The following ADAMTS19 variants were observed in gnomAD, a reference collection of about 807,000 sequenced individuals.
The protein encoded by ADAMTS19 is A disintegrin and metalloproteinase with thrombospondin motifs 19.
A neutral mutation model predicts 153.3 loss-of-function variants in ADAMTS19; 93 were observed. That is an observed-to-expected ratio of 0.61 (90% CI 0.51 to 0.72). The LOEUF is 0.72. ADAMTS19 is among the 30% of genes least tolerant of loss of function. ADAMTS19 has a pLI of 0.00. For missense variants in ADAMTS19, 1,482 were observed against 1,552.1 expected (o/e 0.95, Z 0.76); for synonymous variants, 600 against 556.6 (o/e 1.08, Z -1.10).
intron 13 of ADAMTS19, among the ~76,000 whole-genome samples, chr5:129,649,387 A>G (rs76138046): frequency 0.027 from 4,084 of 152,356 alleles, 95 homozygotes; most frequent in Middle Eastern, 0.068. Flanking sequence ...AAAGAGGAGC[A>G]AACTATTAAT....
chr5:129,704,447 C>T (rs1238536839), intron 21 of ADAMTS19, 56 bp downstream of exon 21: 14 of 1,570,442 alleles, frequency 8.9e-6, no homozygotes, highest in Admixed American at 1.8e-5. Context: ...CAGCATTGCC[C>T]TGGGTACTAT....
chr5:129,562,220 C>T (rs769722253), intron 7 of ADAMTS19, among the ~76,000 whole-genome samples: 2 of 152,184 alleles, frequency 1.3e-5, no homozygotes, highest in Non-Finnish European at 2.9e-5. Flanking sequence ...TTTTAGCCTG[C>T]AACAGAAATG....
intron 6 of ADAMTS19, among the ~76,000 whole-genome samples, chr5:129,536,013 A>G (rs1222745927): frequency 6.6e-6 from 1 of 152,228 alleles, no homozygotes. Flanking sequence ...CAAGGACTTC[A>G]TGTCTAAAAC....
intron 13 of ADAMTS19, among the ~76,000 whole-genome samples, chr5:129,649,912 TC>T (rs1753239718): frequency 6.6e-6 from 1 of 152,222 alleles, no homozygotes; most frequent in Admixed American, 6.5e-5. Context: ...GCAAGGTGGC[TC>T]ACACCTGTAA....
chr5:129,591,037 G>T (rs1750108430), intron 7 of ADAMTS19, among the ~76,000 whole-genome samples: 1 of 152,140 alleles, frequency 6.6e-6, no homozygotes, highest in Non-Finnish European at 1.5e-5. Context: ...CTCTGTGAGA[G>T]ACATTAACTT....
intron 6 of ADAMTS19, among the ~76,000 whole-genome samples, chr5:129,548,847 T>TA (rs921015306): frequency 1.2e-4 from 18 of 151,440 alleles, no homozygotes; most frequent in African/African-American, 4.4e-4. Context: ...TATGCAGCCA[T>TA]AAAAAATGTT....
chr5:129,658,337 G>GAAAGAA (rs1753656772), intron 14 of ADAMTS19, among the ~76,000 whole-genome samples: 1 of 105,416 alleles, frequency 9.5e-6, no homozygotes, highest in East Asian at 4.0e-4. Context: ...AAGAAAGAAA[G>GAAAGAA]AAAGAAAGAA....
At chr5:129,672,324 C>T (rs1754338037) in intron 16 of ADAMTS19, among the ~76,000 whole-genome samples, 1 of 152,030 alleles carries the variant, frequency 6.6e-6, no homozygotes, top group South Asian at 2.1e-4. Flanking sequence ...GGGGAGGGCA[C>T]CAATGTTTAA....
intron 21 of ADAMTS19, among the ~76,000 whole-genome samples, chr5:129,722,076 C>T (rs555474254): frequency 6.6e-6 from 1 of 152,250 alleles, no homozygotes; most frequent in East Asian, 1.9e-4. Context: ...GTGTGTGTAT[C>T]TTTATAATAG....
At chr5:129,733,458 AAC>A (rs1757532134) in intron 21 of ADAMTS19, among the ~76,000 whole-genome samples, 1 of 151,750 alleles carries the variant, frequency 6.6e-6, no homozygotes, top group African/African-American at 2.4e-5. Flanking sequence ...CAACTCAACA[AAC>A]AAAAAAACAA....
At chr5:129,470,038 A>G (rs574127205) in intron 2 of ADAMTS19, among the ~76,000 whole-genome samples, 2 of 152,350 alleles carry the variant, frequency 1.3e-5, no homozygotes, top group African/African-American at 4.8e-5. Flanking sequence ...AAAATAAACT[A>G]TTTAATCATA....
chr5:129,733,247 C>T (rs1311209435), intron 21 of ADAMTS19, among the ~76,000 whole-genome samples: 3 of 151,868 alleles, frequency 2.0e-5, no homozygotes, highest in Non-Finnish European at 2.9e-5. Flanking sequence ...TTGGCATATG[C>T]AAGGAATGTA....
chr5:129,581,985 C>T (rs754940493), intron 7 of ADAMTS19, among the ~76,000 whole-genome samples: 1 of 151,828 alleles, frequency 6.6e-6, no homozygotes, highest in Non-Finnish European at 1.5e-5. Context: ...GATTTCCATT[C>T]TTTTGCATTT....
At position 129,665,561 on chromosome 5, in the gene ADAMTS19, C is replaced by T. The variant is rs763763862; in HGVS notation, c.2488C>T (p.Pro830Ser). The change falls in exon 16 of 23, where the codon CCG becomes TCG. Residue 830 changes from proline (P) to serine (S), a missense_variant. By Grantham distance (74) the Pro-to-Ser change is moderately conservative (BLOSUM62 -1). This residue lies in a region of ADAMTS19 where 616 missense variants were observed against 724.4 expected (regional missense o/e 0.85). Coordinates refer to ENST00000274487, the MANE Select transcript of ADAMTS19 (RefSeq NM_133638.6). Reference sequence around the variant, plus strand: ...AAGAATCAAAGTTGTGGAGGAAAAGCCGGCACATAGCTATTTAGGTAACCT... The same window carrying T: ...AAGAATCAAAGTTGTGGAGGAAAAGTCGGCACATAGCTATTTAGGTAACCT... ...ARRIKVVEEKPAHSYLALRDA... is the reference protein window; with the variant it reads ...ARRIKVVEEKSAHSYLALRDA... 6.2e-7 allele frequency: 1 copy of T among 1,610,146 alleles called. No individual in the cohort carries two copies. The highest frequency in any genetic ancestry group is 1.7e-5 in the Admixed American group (1 of 59,792).
At chr5:129,547,921 G>A (rs1375625732) in intron 6 of ADAMTS19, among the ~76,000 whole-genome samples, 1 of 150,754 alleles carries the variant, frequency 6.6e-6, no homozygotes. Flanking sequence ...ACAAGCAATG[G>A]GGAAAGGATT....
At chr5:129,578,857 T>C (rs762671942) in intron 7 of ADAMTS19, among the ~76,000 whole-genome samples, 1 of 152,230 alleles carries the variant, frequency 6.6e-6, no homozygotes, top group Non-Finnish European at 1.5e-5. Context: ...GGCATTTGTG[T>C]TGGTTCCAAG....
Position 129,648,892 on chromosome 5 carries a change from G to A in ADAMTS19, c.2098G>A (p.Asp700Asn), listed in dbSNP as rs1206167802. ...PCPAGLPGFR[D>N]WQCQAYSVRT... ...TCCTGCAGGTTTGCCTGGATTCAGA[G>A]ACTGGCAATGTCAGGCTTATAGTGT... Residue 700 changes from aspartate to asparagine, a missense_variant, in exon 13 of 23, where the codon GAC becomes AAC. Asp to Asn is a conservative substitution (Grantham distance 23, BLOSUM62 1). This residue lies in a region of ADAMTS19 where 616 missense variants were observed against 724.4 expected (regional missense o/e 0.85). Coordinates refer to ENST00000274487, the MANE Select transcript of ADAMTS19 (RefSeq NM_133638.6). 2 of 1,613,688 alleles carry A rather than the reference G, an allele frequency of 1.2e-6. No individual in the cohort carries two copies. The highest frequency in any genetic ancestry group is 1.3e-5 in the African/African-American group (1 of 74,886).
At chr5:129,658,309 A>AAGAAAAAGAAAG (rs1454863600) in intron 14 of ADAMTS19, among the ~76,000 whole-genome samples, 2 of 113,688 alleles carry the variant, frequency 1.8e-5, no homozygotes, top group African/African-American at 8.0e-5. Context: ...GAAAGAAAGA[A>AAGAAAAAGAAAG]AAAGAAAGAA....
chr5:129,718,768 G>A (rs1008087905), intron 21 of ADAMTS19, among the ~76,000 whole-genome samples: 1 of 152,078 alleles, frequency 6.6e-6, no homozygotes, highest in Non-Finnish European at 1.5e-5. Flanking sequence ...TGTTAACCTT[G>A]TTACAGATTG....
Sources: allele counts gnomAD v4.1 joint callset (sites outside exome capture counted in the v4.1 genomes callset), GRCh38; gene constraint gnomAD v4.1.1; regional missense constraint gnomAD v4.1.1; transcripts MANE v1.5; gene names NCBI Gene and HGNC (gene_info 2026-07-23, HGNC 2026-07-21).